SLC6A5: variants seen among roughly 807,000 people sequenced by gnomAD.
SLC6A5 encodes solute carrier family 6 member 5.
In SLC6A5, 58 loss-of-function variants were observed where a neutral mutation model predicts 90.5. The observed-to-expected ratio is 0.64, with a 90% CI of 0.52 to 0.80. The LOEUF (loss-of-function observed/expected upper bound fraction) is 0.80, where lower values mean the gene tolerates loss of function less well. Ranked by LOEUF, SLC6A5 falls within the 30% of genes least tolerant of loss-of-function variation. SLC6A5 has a pLI of 0.00. For missense variants in SLC6A5, 1,015 were observed against 1,017.6 expected (o/e 1.00, Z 0.03); for synonymous variants, 427 against 401.4 (o/e 1.06, Z -0.76).
intron 11 of SLC6A5, among the ~76,000 whole-genome samples, 176 bp downstream of exon 11, chr11:20,636,595 G>C (rs1213960466): frequency 6.6e-6 from 1 of 151,452 alleles, no homozygotes; most frequent in African/African-American, 2.4e-5. Flanking sequence ...CTTGTATTTT[G>C]GGTGCTCATG....
chr11:20,604,388 T>G lies in SLC6A5; in HGVS notation c.643T>G (p.Trp215Gly), dbSNP rs1425241419. 6 of 1,613,988 alleles carry G rather than the reference T, an allele frequency of 3.7e-6. No individual in the cohort carries two copies. Among genetic ancestry groups the G allele is most frequent in the Admixed American group, 1.7e-5 (1 of 60,016 alleles). Residue 215 changes from tryptophan (W) to glycine (G), a missense_variant, in exon 3 of 16, where the codon TGG (tryptophan) becomes GGG (glycine). Coordinates refer to ENST00000525748, the MANE Select transcript of SLC6A5 (RefSeq NM_004211.5). ...VGYAVGLGNV[W>G]RFPYLAFQNG... ...GTACGCAGTGGGGCTGGGCAATGTC[T>G]GGAGGTTTCCCTACCTGGCCTTCCA...
chr11:20,601,141 C>G lies in SLC6A5; in HGVS notation c.16C>G (p.Pro6Ala). Residue 6 changes from proline to alanine, a missense_variant, in exon 2 of 16, where the codon CCC becomes GCC. Transcript: ENST00000525748. MDCSA[P>A]KEMNKLPANS... is the part of the protein sequence containing the mutation. ...ATTGTGTTTGCAGGATTGCAGTGCT[C>G]CCAAGGAAATGAATAAACTGCCAGC... 1.9e-6 allele frequency: 3 copies of G among 1,591,120 alleles called. No individual in the cohort carries two copies. Among genetic ancestry groups the G allele is most frequent in the Non-Finnish European group, 2.6e-6 (3 of 1,176,348 alleles).
Position 20,630,783 on chromosome 11 carries a change from G to T in SLC6A5, c.1592G>T (p.Arg531Leu), listed in dbSNP as rs1216195877. 8 of 1,614,148 alleles carry T rather than the reference G, an allele frequency of 5.0e-6. No homozygotes were observed. The highest frequency in any genetic ancestry group is 6.8e-6 in the Non-Finnish European group (8 of 1,179,996). ...FSVIGFMANE[R>L]KVNIENVADQ... ...GTTATCGGCTTCATGGCCAATGAAC[G>T]CAAAGTCAACATTGAGAATGTGGCA... Residue 531 changes from arginine to leucine, a missense_variant, in exon 10 of 16, where the codon CGC becomes CTC. Physicochemically the swap from Arg to Leu is moderately radical, Grantham distance 102. This residue lies in a region of SLC6A5 where 442 missense variants were observed against 494.3 expected (regional missense o/e 0.89). Transcript: ENST00000525748.
At chr11:20,639,628 A>G (rs1853274975) in intron 13 of SLC6A5, among the ~76,000 whole-genome samples, 1 of 152,104 alleles carries the variant, frequency 6.6e-6, no homozygotes, top group Non-Finnish European at 1.5e-5. Flanking sequence ...CTTATTTTTA[A>G]TGTAATTGTT....
chr11:20,627,931 C>A (rs201542296), intron 8 of SLC6A5, 49 bp from the exon 9 acceptor site: 1 of 1,422,732 alleles, frequency 7.0e-7, no homozygotes, highest in Non-Finnish European at 9.9e-7. Context: ...TCTCCCCTGG[C>A]GCCAGTCTCC....
At chr11:20,641,471 A>C (rs1194453491) in intron 13 of SLC6A5, among the ~76,000 whole-genome samples, 1 of 152,010 alleles carries the variant, frequency 6.6e-6, no homozygotes, top group Non-Finnish European at 1.5e-5. Flanking sequence ...GGCTGAACTC[A>C]GCAAGATTTT....
chr11:20,652,606 C>A, intron 15 of SLC6A5, 150 bp downstream of exon 15: 1 of 827,664 alleles, frequency 1.2e-6, no homozygotes, highest in East Asian at 2.5e-5. Context: ...TCTGTTAAAC[C>A]CATTTTTATT....
rs1250045669 is a variant in SLC6A5, at chr11:20,638,547, C to A, written c.1958C>A (p.Ser653Tyr). ...IIAIFELVGI[S>Y]YVYGLQRFCE... ...GCCATTTTTGAGCTCGTGGGGATCTCTTATGTGTATGGTAAGGAAATCACT... is the reference window on the plus strand; with the variant it reads ...GCCATTTTTGAGCTCGTGGGGATCTATTATGTGTATGGTAAGGAAATCACT... Residue 653 changes from serine (S) to tyrosine (Y), a missense_variant, in exon 13 of 16, where the codon TCT (serine) becomes TAT (tyrosine). By Grantham distance (144) the Ser-to-Tyr change is moderately radical (BLOSUM62 -2). This residue lies in a region of SLC6A5 where 442 missense variants were observed against 494.3 expected (regional missense o/e 0.89). Transcript: ENST00000525748. 6.2e-7 allele frequency: 1 copy of A among 1,601,202 alleles called. No homozygotes were observed. Among genetic ancestry groups the A allele is most frequent in the African/African-American group, 1.3e-5 (1 of 74,646 alleles).
At chr11:20,609,499 G>T (rs976817806) in intron 5 of SLC6A5, among the ~76,000 whole-genome samples, 1 of 152,090 alleles carries the variant, frequency 6.6e-6, no homozygotes, top group Admixed American at 6.5e-5. Context: ...TGCTCTGCTG[G>T]ACAAATCAGG....
intron 7 of SLC6A5, among the ~76,000 whole-genome samples, chr11:20,626,017 T>A (rs1018527883): frequency 1.3e-5 from 2 of 152,198 alleles, no homozygotes; most frequent in African/African-American, 4.8e-5. Context: ...AATAAATATT[T>A]GTTGAACTTA....
At chr11:20,605,718 G>T (rs2133773125) in intron 3 of SLC6A5, among the ~76,000 whole-genome samples, 2 of 152,354 alleles carry the variant, frequency 1.3e-5, no homozygotes, top group Admixed American at 1.3e-4. Flanking sequence ...CGGCGGGGCA[G>T]ATCTCAGGGT....
intron 7 of SLC6A5, among the ~76,000 whole-genome samples, 158 bp downstream of exon 7, chr11:20,618,042 C>T (rs1465823871): frequency 6.6e-6 from 1 of 152,118 alleles, no homozygotes; most frequent in Non-Finnish European, 1.5e-5. Context: ...CTTTCATCTG[C>T]AAAATGGGGA....
intron 10 of SLC6A5, among the ~76,000 whole-genome samples, chr11:20,635,958 A>G (rs1458604186): frequency 6.6e-6 from 1 of 152,190 alleles, no homozygotes; most frequent in Non-Finnish European, 1.5e-5. Context: ...GTAAAGGCTA[A>G]TTAATTACAT....
At chr11:20,652,536 A>G in intron 15 of SLC6A5, 80 bp downstream of exon 15, 1 of 1,381,180 alleles carries the variant, frequency 7.2e-7, no homozygotes, top group East Asian at 2.3e-5. Flanking sequence ...AAAACAAAAG[A>G]TTCGGTAAAC....
chr11:20,626,949 T>C, intron 8 of SLC6A5, 107 bp downstream of exon 8: 1 of 880,656 alleles, frequency 1.1e-6, no homozygotes, highest in Non-Finnish European at 1.9e-6. Context: ...GTGTGTGCTT[T>C]TATAAGAGCC....
At chr11:20,604,262 G>C in intron 2 of SLC6A5, 24 bp from the exon 3 acceptor site, 1 of 1,598,588 alleles carries the variant, frequency 6.3e-7, no homozygotes, top group Middle Eastern at 1.7e-4. Context: ...GGCTGTTATC[G>C]ACAATGTGCT....
chr11:20,622,196 C>T (rs1341232434), intron 7 of SLC6A5, among the ~76,000 whole-genome samples: 3 of 152,202 alleles, frequency 2.0e-5, no homozygotes, highest in Non-Finnish European at 2.9e-5. Flanking sequence ...ACTAGCTGTG[C>T]AGAAACCTCC....
intron 14 of SLC6A5, among the ~76,000 whole-genome samples, chr11:20,649,019 C>T (rs1590182469): frequency 6.6e-6 from 1 of 152,140 alleles, no homozygotes; most frequent in Admixed American, 6.5e-5. Context: ...GTCTAAGCTT[C>T]AAGCCAATAC....
Position 20,636,359 on chromosome 11 carries a change from C to G in SLC6A5, c.1677C>G (p.Leu559=), listed in dbSNP as rs1853207525. Residue 559 remains leucine (L), a synonymous_variant, in exon 11 of 16, where the codon CTC becomes CTG. Transcript: ENST00000525748. ...CGGAAGCCTTAACCAGGCTGCCTCT[C>G]TCTCCGTTCTGGGCCATCATCTTTT... The part of the protein sequence containing the change: ...VYPEALTRLP[L]SPFWAIIFFL... The G allele has an allele frequency of 2.5e-6, 4 of 1,613,932 alleles. No individual in the cohort carries two copies. The South Asian group carries it at 3.3e-5, about 13-fold the overall frequency.
Sources: allele counts gnomAD v4.1 joint callset (sites outside exome capture counted in the v4.1 genomes callset), GRCh38; gene constraint gnomAD v4.1.1; regional missense constraint gnomAD v4.1.1; transcripts MANE v1.5; gene names NCBI Gene and HGNC (gene_info 2026-07-23, HGNC 2026-07-21).